The following NLRP5 variants were observed in gnomAD, a reference collection of about 807,000 sequenced individuals.
NLRP5 encodes NLR family pyrin domain containing 5.
In NLRP5, 93 loss-of-function variants were observed where a neutral mutation model predicts 113.1. The ratio of observed to expected loss-of-function variants is 0.82; its 90% CI spans 0.70 to 0.98. NLRP5 has a LOEUF of 0.98. NLRP5 is among the 50% of genes least tolerant of loss of function. NLRP5 has a pLI of 0.00. For synonymous variants in NLRP5, 751 were observed against 600.7 expected (o/e 1.25, Z -3.66); for missense variants, 1,808 against 1,514.3 (o/e 1.19, Z -3.22).
At chr19:55,987,736 G>C in the NLRP5 span, 1 of 1,067,624 alleles carries the variant, frequency 9.4e-7, no homozygotes, top group Admixed American at 1.7e-5. Flanking sequence ...AAAGCATAGA[G>C]ACAAAATGCA....
Position 56,032,710 on chromosome 19 carries a change from C to A in NLRP5, c.2376C>A (p.Ile792=). ...GGCAGCTGGACCTGGGCAGCAGCAT[C>A]CTGACAGAGCGGGCCATGAAGACCC... The change falls in exon 8 of 15, where the codon ATC becomes ATA. Residue 792 remains isoleucine (I), a synonymous_variant. Coordinates refer to ENST00000390649, the MANE Select transcript of NLRP5 (RefSeq NM_153447.4). 6.2e-7 allele frequency: 1 copy of A among 1,613,618 alleles called. No homozygotes were observed. Among genetic ancestry groups the A allele is most frequent in the South Asian group, 1.1e-5 (1 of 91,028 alleles).
chr19:55,999,920 C>T, intron 1 of NLRP5: 1 of 711,646 alleles, frequency 1.4e-6, no homozygotes, highest in Non-Finnish European at 2.5e-6. Flanking sequence ...CAGAACACTC[C>T]CCGGGGTAGA....
At chr19:55,998,906 C>T (rs1981489891), upstream of NLRP5, among the ~76,000 whole-genome samples, 1 of 151,208 alleles carries the variant, frequency 6.6e-6, no homozygotes, top group African/African-American at 2.4e-5. Flanking sequence ...GCCTTAGTTA[C>T]TTTTTGTGGT....
chr19:55,987,688 G>A, the NLRP5 span: 1 of 673,882 alleles, frequency 1.5e-6, no homozygotes, highest in East Asian at 2.8e-5. Context: ...AGGACACCTG[G>A]GTAGAAAGGT....
chr19:56,039,077 C>T (rs1480990244), intron 10 of NLRP5, among the ~76,000 whole-genome samples: 1 of 152,202 alleles, frequency 6.6e-6, no homozygotes, highest in African/African-American at 2.4e-5. Flanking sequence ...AAGCACAGCG[C>T]TAAAATCCCT....
At chr19:56,037,714 A>AAAAAAAAAAAAAAAAAAAAAAAG (rs200215825) in intron 9 of NLRP5, among the ~76,000 whole-genome samples, 1 of 131,672 alleles carries the variant, frequency 7.6e-6, no homozygotes. Flanking sequence ...AAAAAAAAAA[A>AAAAAAAAAAAAAAAAAAAAAAAG]TGTTGGCTGG....
chr19:56,024,361 A>AG (rs1599889245), intron 6 of NLRP5, among the ~76,000 whole-genome samples: 1 of 139,724 alleles, frequency 7.2e-6, no homozygotes, highest in East Asian at 2.0e-4. Context: ...AAAAAAGAAC[A>AG]AATATATATA....
chr19:56,012,146 CT>C (rs1161849792), intron 3 of NLRP5, among the ~76,000 whole-genome samples: 1 of 151,792 alleles, frequency 6.6e-6, no homozygotes. Context: ...GTAGTGGCTG[CT>C]TTTTTTCTTT....
intron 9 of NLRP5, among the ~76,000 whole-genome samples, chr19:56,037,745 G>T (rs1027614638): frequency 1.3e-5 from 2 of 150,346 alleles, no homozygotes; most frequent in African/African-American, 4.9e-5. Flanking sequence ...TATGAATGTT[G>T]AGACAATGGA....
chr19:56,005,002 G>A (rs1040870969), intron 2 of NLRP5, among the ~76,000 whole-genome samples: 1 of 151,142 alleles, frequency 6.6e-6, no homozygotes, highest in East Asian at 1.9e-4. Flanking sequence ...ACTGAGGCAG[G>A]AGAATCACTT....
intron 14 of NLRP5, among the ~76,000 whole-genome samples, chr19:56,059,625 C>T (rs1034702155): frequency 6.6e-6 from 1 of 152,182 alleles, no homozygotes; most frequent in African/African-American, 2.4e-5. Context: ...ACCTCCGTCT[C>T]GCAGGTTCAA....
rs201589083 is a variant in NLRP5 at position 56,027,777 on chromosome 19, T to C, written c.1544T>C (p.Val515Ala). Reference sequence around the variant, plus strand: ...TTTCATCAGCTCACCCCTCGAGGCGTGGTCCGGCGCTGTCTCAATCTGGAG... The same window carrying C: ...TTTCATCAGCTCACCCCTCGAGGCGCGGTCCGGCGCTGTCTCAATCTGGAG... The change falls in exon 7 of 15, where the codon GTG (valine) becomes GCG (alanine). Residue 515 changes from valine (V) to alanine (A), a missense_variant. Coordinates refer to ENST00000390649, the MANE Select transcript of NLRP5 (RefSeq NM_153447.4). 3.1e-6 allele frequency: 5 copies of C among 1,613,972 alleles called. No individual in the cohort carries two copies. The Admixed American group carries it at 5.0e-5, about 16-fold the overall frequency.
At chr19:56,046,916 A>G (rs1408117483) in intron 11 of NLRP5, among the ~76,000 whole-genome samples, 1 of 152,116 alleles carries the variant, frequency 6.6e-6, no homozygotes, top group Non-Finnish European at 1.5e-5. Context: ...TACCATTTCA[A>G]TCTCACTGCT....
At chr19:56,039,508 GGT>G (rs1983439796) in intron 10 of NLRP5, among the ~76,000 whole-genome samples, 1 of 152,110 alleles carries the variant, frequency 6.6e-6, no homozygotes, top group Non-Finnish European at 1.5e-5. Flanking sequence ...CTCGATCTTG[GGT>G]GTCATATTCT....
At chr19:56,009,536 C>G (rs908347757) in intron 3 of NLRP5, among the ~76,000 whole-genome samples, 36 of 152,182 alleles carry the variant, frequency 2.4e-4, no homozygotes, top group Admixed American at 7.9e-4. Context: ...CATTAGAGCA[C>G]TGACCTCATG....
Position 56,032,662 on chromosome 19 carries a change from G to A in NLRP5, c.2328G>A (p.Met776Ile). Reference sequence around the variant, plus strand: ...AGCAGTGGGAAGATTTCTGCTCCATGCTTGGCACCCACCCACACCTGCGGC... The same window carrying A: ...AGCAGTGGGAAGATTTCTGCTCCATACTTGGCACCCACCCACACCTGCGGC... The change falls in exon 8 of 15, where the codon ATG becomes ATA. Residue 776 changes from methionine to isoleucine, a missense_variant. Coordinates refer to ENST00000390649, the MANE Select transcript of NLRP5 (RefSeq NM_153447.4). The A allele has an allele frequency of 1.2e-6, 2 of 1,613,774 alleles. No individual in the cohort carries two copies. The highest frequency in any genetic ancestry group is 1.7e-6 in the Non-Finnish European group (2 of 1,179,832).
intron 11 of NLRP5, among the ~76,000 whole-genome samples, chr19:56,045,940 C>T (rs1187812040): frequency 1.3e-5 from 2 of 152,166 alleles, no homozygotes; most frequent in African/African-American, 4.8e-5. Flanking sequence ...TTTCTGGCTC[C>T]AAGAGGCCTT....
intron 11 of NLRP5, among the ~76,000 whole-genome samples, chr19:56,042,876 C>T (rs930922535): frequency 6.6e-6 from 1 of 152,204 alleles, no homozygotes; most frequent in Admixed American, 6.5e-5. Flanking sequence ...TGAGTTACTT[C>T]ACTTAGAATA....
At chr19:56,030,011 C>T (rs1009582307) in intron 7 of NLRP5, among the ~76,000 whole-genome samples, 33 of 150,810 alleles carry the variant, frequency 2.2e-4, no homozygotes, top group African/African-American at 7.8e-4. Flanking sequence ...GCCGAGATCA[C>T]GCCACTGCAC....
Sources: gnomAD v4.1 joint callset for allele counts (sites outside exome capture counted in the v4.1 genomes callset) on GRCh38, gnomAD v4.1.1 for gene constraint, MANE v1.5 for transcripts, NCBI Gene and HGNC (gene_info 2026-07-23, HGNC 2026-07-21) for gene names.